The following ARAP3 variants were observed in gnomAD, a reference collection of about 807,000 sequenced individuals.
The protein encoded by ARAP3 is arf-GAP with Rho-GAP domain, ANK repeat and PH domain-containing protein 3.
Under a neutral mutation model 169.2 loss-of-function variants are expected in ARAP3, and 82 were observed. That is an observed-to-expected ratio of 0.48 (90% CI 0.41 to 0.58). ARAP3 has a LOEUF of 0.58. ARAP3 is among the 20% of genes least tolerant of loss of function. The pLI is 0.00. For missense variants in ARAP3, 1,764 were observed against 2,018.0 expected (o/e 0.87, Z 2.41); for synonymous variants, 791 against 800.3 (o/e 0.99, Z 0.20).
At chr5:141,674,503 C>T (rs944984277) in intron 4 of ARAP3, among the ~76,000 whole-genome samples, 2 of 152,204 alleles carry the variant, frequency 1.3e-5, no homozygotes, top group Non-Finnish European at 2.9e-5. Context: ...AGTGATCCTC[C>T]CACCTCGGCC....
chr5:141,660,776 C>T (rs1046177762), intron 21 of ARAP3, among the ~76,000 whole-genome samples: 9 of 152,128 alleles, frequency 5.9e-5, no homozygotes, highest in Admixed American at 1.3e-4. Flanking sequence ...AGCCACCATA[C>T]CTGGCCCCTG....
At chr5:141,668,226 C>A (rs767557269) in intron 16 of ARAP3, among the ~76,000 whole-genome samples, 2 of 151,908 alleles carry the variant, frequency 1.3e-5, no homozygotes, top group Non-Finnish European at 2.9e-5. Context: ...TCCACCTCAG[C>A]CTCCCCAGTA....
At chr5:141,665,581 G>A (rs1384078237) in intron 17 of ARAP3, among the ~76,000 whole-genome samples, 1 of 152,124 alleles carries the variant, frequency 6.6e-6, no homozygotes, top group Non-Finnish European at 1.5e-5. Flanking sequence ...CAGATTACTT[G>A]CTATAAAATG....
chr5:141,653,981 G>C lies in ARAP3; in HGVS notation c.4604C>G (p.Ser1535Cys), dbSNP rs1431419027. ...PGFPTQPPCTSSPPSSQPLT is the reference protein window; with the variant it reads ...PGFPTQPPCTCSPPSSQPLT ...GAGGGGCTGGCTGGAGGGTGGACTG[G>C]AAGTGCATGGGGGTTGGGTGGGGAA... Residue 1535 changes from serine (S) to cysteine (C), a missense_variant, in exon 33 of 33, where the codon TCC becomes TGC. Coordinates refer to ENST00000239440, the MANE Select transcript of ARAP3 (RefSeq NM_022481.6). 1.0e-5 allele frequency: 16 copies of C among 1,539,268 alleles called. No individual in the cohort carries two copies. The highest frequency in any genetic ancestry group is 1.3e-5 in the Non-Finnish European group (15 of 1,143,784).
chr5:141,677,150 AT>A (rs777884039), intron 4 of ARAP3, among the ~76,000 whole-genome samples: 7 of 152,210 alleles, frequency 4.6e-5, no homozygotes, highest in Non-Finnish European at 7.3e-5. Context: ...TTAATAATAT[AT>A]TTTATTTAAC....
At chr5:141,668,538 G>A (rs1170935443) in intron 16 of ARAP3, among the ~76,000 whole-genome samples, 3 of 152,226 alleles carry the variant, frequency 2.0e-5, no homozygotes, top group Non-Finnish European at 4.4e-5. Flanking sequence ...TGGTGTGACA[G>A]TCTTCACAGC....
chr5:141,662,540 C>A (rs2099910096), intron 19 of ARAP3, among the ~76,000 whole-genome samples: 1 of 152,172 alleles, frequency 6.6e-6, no homozygotes, highest in African/African-American at 2.4e-5. Flanking sequence ...TTATAGTCCA[C>A]CCTTATTATC....
In ARAP3 at chr5:141,679,841, T is replaced by C; in HGVS notation, c.525-19A>G. The C allele has an allele frequency of 5.6e-6, 9 of 1,611,500 alleles. No individual in the cohort carries two copies. The highest frequency in any genetic ancestry group is 7.6e-6 in the Non-Finnish European group (9 of 1,179,158). ...TGGGGCCCTGAAGGGAAAGGTCTAT[T>C]GGTTACTTAAGGAGAGAGGAGGAAG... is the stretch of plus-strand genomic sequence containing the variant. On this transcript the variant is annotated intron_variant, in intron 2 of 32. Transcript: ENST00000239440.
rs1331950465 is a variant in ARAP3, at chr5:141,656,622, C to A, written c.3671G>T (p.Ser1224Ile). The change falls in exon 27 of 33, where the codon AGC becomes ATC. Residue 1224 changes from serine to isoleucine, a missense_variant. Transcript: ENST00000239440. ...GCLFTGIRRESPRVGLLRCRE... is the reference protein window; with the variant it reads ...GCLFTGIRREIPRVGLLRCRE... ...ACACCGCAACAGCCCCACCCGTGGG[C>A]TCTCACGTCGGATACCTGGGCATAG... 1.2e-6 allele frequency: 2 copies of A among 1,613,544 alleles called. No individual in the cohort carries two copies. The highest frequency in any genetic ancestry group is 1.7e-6 in the Non-Finnish European group (2 of 1,179,776).
Position 141,656,285 on chromosome 5 carries a change from A to G in ARAP3, c.3790-9T>C. 1 of 1,614,178 alleles carries G rather than the reference A, an allele frequency of 6.2e-7. No individual in the cohort carries two copies. Among genetic ancestry groups the G allele is most frequent in the Non-Finnish European group, 8.5e-7 (1 of 1,180,002 alleles). On this transcript the variant is annotated splice_polypyrimidine_tract_variant and intron_variant, in intron 27 of 32. Transcript: ENST00000239440. ...CGTTCTGGTTTAGAGCTCTGAGAAC[A>G]GAAACAGAGTCAGCGAGATGGAGAG...
intron 23 of ARAP3, 65 bp from the exon 24 acceptor site, chr5:141,658,718 G>A (rs2099909544): frequency 1.3e-5 from 18 of 1,398,484 alleles, no homozygotes; most frequent in Non-Finnish European, 1.7e-5. Context: ...AAAGTCAGAG[G>A]GTTCCTCGTG....
rs140141625 is a variant in ARAP3 at position 141,675,095 on chromosome 5, T to C, written c.699-1287A>G. Among the ~76,000 whole-genome samples, 14 of 152,082 alleles carry C rather than the reference T, an allele frequency of 9.2e-5. No homozygotes were observed. In the East Asian group the frequency reaches 2.7e-3, roughly 30 times the overall value. On this transcript the variant is annotated intron_variant, in intron 4 of 32. Coordinates refer to ENST00000239440, the MANE Select transcript of ARAP3 (RefSeq NM_022481.6). ...CCCTGGCCCTTGCTTATAGCCACATTCTCCTCCATGTTTCAGAGCCTTTGC... is the reference window on the plus strand; with the variant it reads ...CCCTGGCCCTTGCTTATAGCCACATCCTCCTCCATGTTTCAGAGCCTTTGC...
Position 141,673,453 on chromosome 5 carries a change from C to T in ARAP3, c.920G>A (p.Arg307Lys), listed in dbSNP as rs746817679. 2.7e-5 allele frequency: 44 copies of T among 1,614,152 alleles called. No homozygotes were observed. The highest frequency in any genetic ancestry group is 3.7e-5 in the Non-Finnish European group (44 of 1,180,038). ...LSPQGNYVFQ[R>K]RFVQFNGRSL... ...CCTCCCATTGAACTGCACAAAGCGT[C>T]TCTGGAAGACATAGTTTCTGAGGAA... The change falls in exon 6 of 33, where the codon AGA (arginine) becomes AAA (lysine). Residue 307 changes from arginine (R) to lysine (K), a missense_variant. Coordinates refer to ENST00000239440, the MANE Select transcript of ARAP3 (RefSeq NM_022481.6).
chr5:141,672,732 T>C lies in ARAP3; in HGVS notation c.1278+9A>G. On this transcript the variant is annotated intron_variant, in intron 8 of 32. Coordinates refer to ENST00000239440, the MANE Select transcript of ARAP3 (RefSeq NM_022481.6). This position sits in a 1 kb window ranked among gnomAD's most constrained non-coding sequence, Gnocchi z 4.9. The stretch of plus-strand genomic sequence containing the variant: ...TCAGGCCCCTCAGCCCTGGCCCGGC[T>C]CTCCTCACCTGCTCACTCTTGTACA... 6.2e-7 allele frequency: 1 copy of C among 1,614,014 alleles called. No individual in the cohort carries two copies. The highest frequency in any genetic ancestry group is 2.2e-5 in the East Asian group (1 of 44,856).
At position 141,671,213 on chromosome 5, in the gene ARAP3, G is replaced by A. The variant is rs2099911395; in HGVS notation, c.1990+52C>T. ...GCCCCTTGGAAGAACTGAATCATAG[G>A]TTGGGTCTGAGAATTCCTGTAGGGG... On this transcript the variant is annotated intron_variant, in intron 13 of 32. Transcript: ENST00000239440. The surrounding 1 kb of genome is among the most constrained non-coding windows in gnomAD (Gnocchi z 4.9). 4 of 1,545,470 alleles carry A rather than the reference G, an allele frequency of 2.6e-6. No homozygotes were observed. The highest frequency in any genetic ancestry group is 1.7e-6 in the Non-Finnish European group (2 of 1,145,016).
rs2099912728 is a variant in ARAP3, at chr5:141,679,802, A to G, written c.545T>C (p.Ile182Thr). 6.2e-7 allele frequency: 1 copy of G among 1,612,624 alleles called. No individual in the cohort carries two copies. Among genetic ancestry groups the G allele is most frequent in the Non-Finnish European group, 8.5e-7 (1 of 1,179,572 alleles). Residue 182 changes from isoleucine (I) to threonine (T), a missense_variant, in exon 3 of 33, where the codon ATC becomes ACC. Coordinates refer to ENST00000239440, the MANE Select transcript of ARAP3 (RefSeq NM_022481.6). ...CCTGAGGGCAGGGGTGGGGGCAGAGATTTGGGAGCTGTCTGGGGCCCTGAA... is the reference window on the plus strand; with the variant it reads ...CCTGAGGGCAGGGGTGGGGGCAGAGGTTTGGGAGCTGTCTGGGGCCCTGAA... Reference protein sequence around the residue: ...AQDKAPDSSQISAPTPALRPT... With the variant: ...AQDKAPDSSQTSAPTPALRPT...
intron 23 of ARAP3, 125 bp from the exon 24 acceptor site, chr5:141,658,778 T>TA: frequency 6.3e-6 from 5 of 790,018 alleles, no homozygotes; most frequent in South Asian, 3.9e-5. Flanking sequence ...AACCCCAATG[T>TA]CACTCAGGCT....
In ARAP3 at chr5:141,671,854, C is replaced by G. The variant is rs2099911495; in HGVS notation, c.1671+41G>C. 6.2e-7 allele frequency: 1 copy of G among 1,613,914 alleles called. No homozygotes were observed. Among genetic ancestry groups the G allele is most frequent in the East Asian group, 2.2e-5 (1 of 44,870 alleles). On this transcript the variant is annotated intron_variant, in intron 11 of 32. Coordinates refer to ENST00000239440, the MANE Select transcript of ARAP3 (RefSeq NM_022481.6). The surrounding 1 kb of genome is among the most constrained non-coding windows in gnomAD (Gnocchi z 4.9). ...GGCCCAAGGCCTGCTTCTGGACGCT[C>G]CCTTCTACGCCTCCCACCTTCTCCC...
At chr5:141,660,748 G>A (rs2099909847) in intron 21 of ARAP3, among the ~76,000 whole-genome samples, 1 of 151,986 alleles carries the variant, frequency 6.6e-6, no homozygotes, top group African/African-American at 2.4e-5. Context: ...CTCCCAACAT[G>A]TTGGGATTAC....
Sources: gnomAD v4.1 joint callset for allele counts (sites outside exome capture counted in the v4.1 genomes callset) on GRCh38, gnomAD v4.1.1 for gene constraint, Gnocchi (gnomAD v3.1) non-coding constraint, MANE v1.5 for transcripts, NCBI Gene and HGNC (gene_info 2026-07-23, HGNC 2026-07-21) for gene names.